ZMAT1: variants seen among roughly 807,000 people sequenced by gnomAD.
ZMAT1 encodes the protein zinc finger matrin-type protein 1.
Under a neutral mutation model 18.5 loss-of-function variants are expected in ZMAT1, and 11 were observed. The ratio of observed to expected loss-of-function variants is 0.59; its 90% CI spans 0.37 to 0.98. The LOEUF is 0.98. Ranked by LOEUF, ZMAT1 falls within the 50% of genes least tolerant of loss-of-function variation. The probability of loss-of-function intolerance (pLI) is 0.01; values close to 1 mark genes in which losing one functional copy is unlikely to be tolerated. For synonymous variants in ZMAT1, 211 were observed against 176.4 expected, an observed-to-expected ratio of 1.20 and a Z score of -1.55; for missense variants, 525 against 496.2, an observed-to-expected ratio of 1.06 and a Z score of -0.55.
chrX:101,894,096 G>A (rs933492865), intron 4 of ZMAT1, among the ~76,000 whole-genome samples: 1 of 111,731 alleles, frequency 9.0e-6, no homozygotes, highest in Non-Finnish European at 1.9e-5. Flanking sequence ...TGGGTTTGGG[G>A]AAACAAAACT....
rs370996061 is a variant in ZMAT1, at chrX:101,883,466, G to GT, written c.*43dup. 0.052 allele frequency: 36,675 copies of GT among 707,325 alleles called. 14 individuals carry two copies. The highest frequency in any genetic ancestry group is 0.057 in the Non-Finnish European group (30,428 of 532,422). The allele number at this position is 707,325 out of a possible 1,213,427, so 58.3% of individuals were successfully genotyped here. ...TCCTTTTTCTAAATCCATATTGACT[G>GT]TTTTTTTTTTTCAATTCAACCTTGG... On this transcript the variant is annotated 3_prime_UTR_variant, in exon 6 of 6. Coordinates refer to ENST00000651725, the MANE Select transcript of ZMAT1 (RefSeq NM_001394560.1).
chrX:101,931,614 G>GT, intron 1 of ZMAT1, 103 bp downstream of exon 1: 2 of 714,424 alleles, frequency 2.8e-6, no homozygotes, highest in Non-Finnish European at 3.3e-6. Context: ...ACGGCAGGTG[G>GT]GGGTGGGGCA....
At position 101,911,438 on chromosome X, in the gene ZMAT1, A is replaced by G. The variant is rs767323343; in HGVS notation, c.293-7108T>C. ...AACTACTCTTATCCTAAGTAGAAAG[A>G]CTGAATAATGAACCAATCAAAAAGA... On this transcript the variant is annotated intron_variant, in intron 1 of 5. Coordinates refer to ENST00000651725, the MANE Select transcript of ZMAT1 (RefSeq NM_001394560.1). The G allele has an allele frequency of 8.5e-5, 41 of 483,314 alleles. No individual in the cohort carries two copies. In the South Asian group the frequency reaches 1.4e-3, roughly 16 times the overall value. The allele number at this position is 483,314 out of a possible 1,213,427, so 39.8% of individuals were successfully genotyped here. A position where few individuals can be genotyped will look rare whatever the true frequency, so the allele number is the denominator to read the frequency against.
At chrX:101,900,833 G>A (rs777784251) in intron 2 of ZMAT1, among the ~76,000 whole-genome samples, 8 of 111,378 alleles carry the variant, frequency 7.2e-5, no homozygotes, top group East Asian at 2.8e-4. Flanking sequence ...TTATAATTCC[G>A]TGAAGAATGA....
In ZMAT1 at chrX:101,902,121, C is replaced by T. The variant is rs766311494; in HGVS notation, c.399+2103G>A. Among the ~76,000 whole-genome samples, 74 of 111,832 alleles carry T rather than the reference C, an allele frequency of 6.6e-4. 1 individual carries two copies. Among genetic ancestry groups the T allele is most frequent in the Non-Finnish European group, 1.1e-3 (56 of 52,977 alleles). On this transcript the variant is annotated intron_variant, in intron 2 of 5. Coordinates refer to ENST00000651725, the MANE Select transcript of ZMAT1 (RefSeq NM_001394560.1). Reference sequence around the variant, plus strand: ...CAAATGCAGCAATGAGAGTGTTTCCCTATATTATCTTGAAGTGTTAAGTGT... The same window carrying T: ...CAAATGCAGCAATGAGAGTGTTTCCTTATATTATCTTGAAGTGTTAAGTGT...
intron 1 of ZMAT1, among the ~76,000 whole-genome samples, chrX:101,929,491 AGAC>A (rs1569444140): frequency 0.071 from 4,781 of 67,715 alleles, 176 homozygotes; most frequent in African/African-American, 0.11. Context: ...AGAGAGAGAG[AGAC>A]ACACAAATAT....
rs1195260747 is a variant in ZMAT1 at position 101,883,960 on chromosome X, T to C, written c.1638A>G (p.Arg546=). The change falls in exon 6 of 6, where the codon AGA becomes AGG. Residue 546 remains arginine, a synonymous_variant. Transcript: ENST00000651725. ...GTACTGGTTTTTCTGGGAAACAGTC[T>C]CTGGTGAGTTGACAGTAGCTAATAG... ...LDSISYCQLT[R]DCFPEKPVPL... The C allele has an allele frequency of 8.3e-7, 1 of 1,211,052 alleles. No homozygotes were observed. Among genetic ancestry groups the C allele is most frequent in the Non-Finnish European group, 1.1e-6 (1 of 895,221 alleles).
chrX:101,920,866 G>A (rs919920231), intron 1 of ZMAT1, among the ~76,000 whole-genome samples: 5 of 111,094 alleles, frequency 4.5e-5, no homozygotes, highest in East Asian at 5.7e-4. Flanking sequence ...TGATCAGTTC[G>A]GATGGGAATC....
chrX:101,909,047 AGGACTTTGCCTT>A (rs1262283034), intron 1 of ZMAT1, among the ~76,000 whole-genome samples: 1 of 108,767 alleles, frequency 9.2e-6, no homozygotes, highest in Non-Finnish European at 1.9e-5. Context: ...AAGAGAGGAG[AGGACTTTGCCTT>A]GCATCTTGGT....
chrX:101,899,583 C>T (rs1475327831), intron 2 of ZMAT1, among the ~76,000 whole-genome samples: 1 of 112,018 alleles, frequency 8.9e-6, no homozygotes, highest in Non-Finnish European at 1.9e-5. Context: ...TGAGTTAGTT[C>T]ACTTAGAATA....
At chrX:101,899,967 T>A (rs1210879624) in intron 2 of ZMAT1, among the ~76,000 whole-genome samples, 4 of 111,883 alleles carry the variant, frequency 3.6e-5, no homozygotes, top group African/African-American at 9.8e-5. Flanking sequence ...CCAACACTAC[T>A]GTTATTTGAT....
chrX:101,918,445 T>TAC (rs61351078), intron 1 of ZMAT1: 13,178 of 83,055 alleles, frequency 0.16, 955 homozygotes, highest in Non-Finnish European at 0.2. Flanking sequence ...TCTACTAAAA[T>TAC]ACACACACAC....
intron 1 of ZMAT1, among the ~76,000 whole-genome samples, chrX:101,909,901 T>C (rs1322644969): frequency 8.9e-6 from 1 of 112,063 alleles, no homozygotes; most frequent in Non-Finnish European, 1.9e-5. Context: ...ACTTGTGGAT[T>C]GTAGAGCCCC....
intron 1 of ZMAT1, among the ~76,000 whole-genome samples, chrX:101,925,894 C>T (rs983861931): frequency 8.9e-6 from 1 of 112,334 alleles, no homozygotes. Flanking sequence ...CTCTGCCAAT[C>T]AGATGCCGGT....
At chrX:101,930,968 A>G (rs1326560201) in intron 1 of ZMAT1, among the ~76,000 whole-genome samples, 3 of 112,035 alleles carry the variant, frequency 2.7e-5, no homozygotes, top group African/African-American at 9.7e-5. Flanking sequence ...CACCTTAAAG[A>G]TGGACCTGTA....
intron 1 of ZMAT1, among the ~76,000 whole-genome samples, chrX:101,921,055 C>G (rs1008023261): frequency 9.1e-6 from 1 of 110,269 alleles, no homozygotes; most frequent in Non-Finnish European, 1.9e-5. Flanking sequence ...AAATGTACAT[C>G]TTTTTTGCAC....
At chrX:101,931,068 CCT>C (rs1339993101) in intron 1 of ZMAT1, among the ~76,000 whole-genome samples, 4 of 111,516 alleles carry the variant, frequency 3.6e-5, no homozygotes, top group African/African-American at 6.5e-5. Flanking sequence ...ACACTCTCTT[CCT>C]CTCTTTCCCT....
chrX:101,915,222 A>T (rs1005786728), intron 1 of ZMAT1, among the ~76,000 whole-genome samples: 1 of 111,604 alleles, frequency 9.0e-6, no homozygotes, highest in Non-Finnish European at 1.9e-5. Context: ...ACCCACAGCT[A>T]GTATTGCAAT....
chrX:101,890,446 G>A (rs1295525854), intron 4 of ZMAT1, among the ~76,000 whole-genome samples: 1 of 111,405 alleles, frequency 9.0e-6, no homozygotes, highest in East Asian at 2.8e-4. Flanking sequence ...AGCAGGTAAG[G>A]GCATTCCAGG....
Sources: allele counts gnomAD v4.1 joint callset (sites outside exome capture counted in the v4.1 genomes callset), GRCh38; gene constraint gnomAD v4.1.1; transcripts MANE v1.5; gene names NCBI Gene and HGNC (gene_info 2026-07-23, HGNC 2026-07-21).